The following LDLRAD4 variants were observed in gnomAD, a reference collection of about 807,000 sequenced individuals.
The protein encoded by LDLRAD4 is low density lipoprotein receptor class A domain containing 4.
Under a neutral mutation model 17.0 loss-of-function variants are expected in LDLRAD4, and 5 were observed. That is an observed-to-expected ratio of 0.29 (90% CI 0.15 to 0.62). LDLRAD4 has a LOEUF of 0.62. LDLRAD4 is among the 20% of genes least tolerant of loss of function. The pLI, the probability that LDLRAD4 is intolerant of heterozygous loss-of-function variation, is 0.84. For synonymous variants in LDLRAD4, 168 were observed against 171.8 expected (o/e 0.98, Z 0.17); for missense variants, 340 against 424.7 (o/e 0.80, Z 1.75).
At chr18:13,320,660 C>A (rs1405480864) in intron 1 of LDLRAD4, among the ~76,000 whole-genome samples, 1 of 152,198 alleles carries the variant, frequency 6.6e-6, no homozygotes, top group Non-Finnish European at 1.5e-5. Flanking sequence ...TGAGGAAGGT[C>A]ACTGCAGTCC....
rs79893439 is a variant in LDLRAD4, at chr18:13,440,958, G to A, written c.181+2574G>A. ...CACCTGGCCTGTGGCTGCCCCCTAC[G>A]TTCCCCTCAGGTTCTCTGCAGGAGC... On this transcript the variant is annotated intron_variant, in intron 3 of 5. Transcript: ENST00000359446. This position sits in a 1 kb window ranked among gnomAD's most constrained non-coding sequence, Gnocchi z 4.4. 7.9e-3 allele frequency among the ~76,000 whole-genome samples: 1,210 copies of A among 152,284 alleles called. 20 individuals carry two copies. The highest frequency in any genetic ancestry group is 0.028 in the African/African-American group (1,169 of 41,564).
chr18:13,543,834 A>G (rs963144421), intron 3 of LDLRAD4, among the ~76,000 whole-genome samples: 3 of 151,404 alleles, frequency 2.0e-5, no homozygotes, highest in African/African-American at 7.3e-5. Context: ...AATAAGGAAA[A>G]ACGACCGCCA....
At chr18:13,272,876 C>T (rs969921117) in intron 1 of LDLRAD4, among the ~76,000 whole-genome samples, 10 of 152,070 alleles carry the variant, frequency 6.6e-5, no homozygotes, top group Non-Finnish European at 1.2e-4. Flanking sequence ...TGGTGCTGGC[C>T]GATGAGGCCC....
At chr18:13,636,853 A>G (rs1481531370) in intron 4 of LDLRAD4, among the ~76,000 whole-genome samples, 1 of 150,824 alleles carries the variant, frequency 6.6e-6, no homozygotes, top group Non-Finnish European at 1.5e-5. Flanking sequence ...GCTGAAGTAC[A>G]GTGGCATGAC....
In LDLRAD4 at chr18:13,456,657, A is replaced by T. The variant is rs956170947; in HGVS notation, c.181+18273A>T. Among the ~76,000 whole-genome samples, 3 of 152,250 alleles carry T rather than the reference A, an allele frequency of 2.0e-5. No homozygotes were observed. In the South Asian group the frequency reaches 6.2e-4, roughly 31 times the overall value. On this transcript the variant is annotated intron_variant, in intron 3 of 5. Transcript: ENST00000359446. The stretch of plus-strand genomic sequence containing the variant: ...CAGTGCAGGGTCCATGTGCATGCAC[A>T]TATACACACAAATCCATCAGATACA...
At chr18:13,541,130 C>T (rs1254056118) in intron 3 of LDLRAD4, among the ~76,000 whole-genome samples, 1 of 151,358 alleles carries the variant, frequency 6.6e-6, no homozygotes, top group Non-Finnish European at 1.5e-5. Flanking sequence ...AAGGCACTCT[C>T]ACCGGGGTAT....
At chr18:13,436,110 A>G (rs1292112852) in intron 2 of LDLRAD4, among the ~76,000 whole-genome samples, 2 of 152,238 alleles carry the variant, frequency 1.3e-5, no homozygotes, top group Non-Finnish European at 2.9e-5. Flanking sequence ...GCGGCCCTCT[A>G]GATTATGAAG....
At chr18:13,385,616 C>T (rs1027779914) in intron 1 of LDLRAD4, among the ~76,000 whole-genome samples, 1 of 152,170 alleles carries the variant, frequency 6.6e-6, no homozygotes, top group Non-Finnish European at 1.5e-5. Flanking sequence ...AGCATATTTG[C>T]ACACCAAAAG....
At chr18:13,225,083 G>A (rs189133375) in intron 1 of LDLRAD4, among the ~76,000 whole-genome samples, 178 of 152,216 alleles carry the variant, frequency 1.2e-3, no homozygotes, top group Admixed American at 3.5e-3. Flanking sequence ...TGATCCGCCC[G>A]CCTCAGCCTC....
At chr18:13,381,400 C>A (rs2085352575) in intron 1 of LDLRAD4, among the ~76,000 whole-genome samples, 1 of 152,140 alleles carries the variant, frequency 6.6e-6, no homozygotes, top group South Asian at 2.1e-4. Context: ...TTTGCCCTCT[C>A]TCTCGGCCAG....
At chr18:13,382,500 TTGCTCTGTTA>T (rs1568077043) in intron 1 of LDLRAD4, 1 of 152,238 alleles carries the variant, frequency 6.6e-6, no homozygotes, top group Non-Finnish European at 1.5e-5. Context: ...TTAGTAACTG[TTGCTCTGTTA>T]TGGGAGGGAC....
chr18:13,474,097 C>G (rs2092871713), intron 3 of LDLRAD4, among the ~76,000 whole-genome samples: 1 of 152,102 alleles, frequency 6.6e-6, no homozygotes, highest in Non-Finnish European at 1.5e-5. Context: ...CCTGCATTAG[C>G]CATTAAGATG....
At chr18:13,519,866 A>G (rs770443760) in intron 3 of LDLRAD4, 6 of 152,172 alleles carry the variant, frequency 3.9e-5, no homozygotes, top group Admixed American at 6.5e-5. Context: ...TTGATTTTTC[A>G]TTTTCATGAG....
chr18:13,507,906 A>G (rs1362712666), intron 3 of LDLRAD4, among the ~76,000 whole-genome samples: 1 of 152,234 alleles, frequency 6.6e-6, no homozygotes, highest in Non-Finnish European at 1.5e-5. Context: ...CAAGATGATT[A>G]AACTTAGTGA....
At chr18:13,418,564 A>G (rs982730356) in intron 2 of LDLRAD4, among the ~76,000 whole-genome samples, 1 of 152,188 alleles carries the variant, frequency 6.6e-6, no homozygotes, top group African/African-American at 2.4e-5. Context: ...TGCTGTAGAC[A>G]GCCCTTGGGT....
In LDLRAD4 at chr18:13,300,425, G is replaced by A. The variant is rs1023084299; in HGVS notation, c.-383+22237G>A. Among the ~76,000 whole-genome samples the A allele has an allele frequency of 1.3e-5, 2 of 152,182 alleles. No individual in the cohort carries two copies. The highest frequency in any genetic ancestry group is 4.8e-5 in the African/African-American group (2 of 41,450). ...TGTTCTGATGGCCTTTTTTCCCAAG[G>A]ACATGACATTCGCGGGGTCAGCCAT... On this transcript the variant is annotated intron_variant, in intron 1 of 5. Transcript: ENST00000359446. This position sits in a 1 kb window ranked among gnomAD's most constrained non-coding sequence, Gnocchi z 4.2.
chr18:13,432,235 G>A (rs1600227312), intron 2 of LDLRAD4, among the ~76,000 whole-genome samples: 1 of 152,292 alleles, frequency 6.6e-6, no homozygotes, highest in East Asian at 1.9e-4. Context: ...CCTAAGGATC[G>A]ACTTTTCATT....
At chr18:13,480,722 C>A (rs2093062519) in intron 3 of LDLRAD4, among the ~76,000 whole-genome samples, 1 of 152,194 alleles carries the variant, frequency 6.6e-6, no homozygotes, top group Non-Finnish European at 1.5e-5. Context: ...GAACCTAAAA[C>A]TTCTCTAAAA....
rs200627527 is a variant in LDLRAD4 at position 13,438,397 on chromosome 18, T to G, written c.181+13T>G. ...GGCATCTTCAACTGTAAGTCTCTCC[T>G]CCCACCTGGGTGGCACTGTCTGATG... On this transcript the variant is annotated intron_variant, in intron 3 of 5. Coordinates refer to ENST00000359446, the Ensembl canonical transcript of LDLRAD4. 4.2e-5 allele frequency: 68 copies of G among 1,611,866 alleles called. No individual in the cohort carries two copies. The East Asian group carries it at 1.5e-3, about 35-fold the overall frequency.
Sources: gnomAD v4.1 joint callset for allele counts (sites outside exome capture counted in the v4.1 genomes callset) on GRCh38, gnomAD v4.1.1 for gene constraint, Gnocchi (gnomAD v3.1) non-coding constraint, MANE v1.5 for transcripts, NCBI Gene and HGNC (gene_info 2026-07-23, HGNC 2026-07-21) for gene names.